The following NRCAM variants were observed in gnomAD, a reference collection of about 807,000 sequenced individuals.
NRCAM encodes the protein neuronal cell adhesion molecule.
Under a neutral mutation model 156.5 loss-of-function variants are expected in NRCAM, and 83 were observed. That is an observed-to-expected ratio of 0.53 (90% CI 0.44 to 0.64). The LOEUF is 0.64. NRCAM is among the 30% of genes least tolerant of loss of function. The probability of loss-of-function intolerance (pLI) is 0.00; values close to 1 mark genes in which losing one functional copy is unlikely to be tolerated. For synonymous variants in NRCAM, 538 were observed against 563.9 expected (o/e 0.95, Z 0.65); for missense variants, 1,417 against 1,597.3 (o/e 0.89, Z 1.92).
chr7:108,309,177 A>G (rs1294005957), intron 3 of NRCAM, among the ~76,000 whole-genome samples: 2 of 152,236 alleles, frequency 1.3e-5, no homozygotes, highest in Non-Finnish European at 2.9e-5. Context: ...CTGTCCAAGT[A>G]TGCTAATGTT....
rs199526051 is a variant in NRCAM at position 108,182,821 on chromosome 7, T to C, written c.2404A>G (p.Asn802Asp). 92 of 1,614,096 alleles carry C rather than the reference T, an allele frequency of 5.7e-5. No individual in the cohort carries two copies. Among genetic ancestry groups the C allele is most frequent in the African/African-American group, 5.2e-4 (39 of 74,942 alleles). The part of the protein sequence containing the change: ...DDEWTSVVVA[N>D]VSKYIVSGTP... ...CCTGAGACAATATATTTGGATACAT[T>C]TGCCACAACCACAGATGTCCATTCA... is the stretch of plus-strand genomic sequence containing the variant. Residue 802 changes from asparagine (N) to aspartate (D), a missense_variant, in exon 23 of 33, where the codon AAT becomes GAT. Transcript: ENST00000379028.
At position 108,162,176 on chromosome 7, in the gene NRCAM, C is replaced by T. The variant is rs2049491713; in HGVS notation, c.3467-1684G>A. Among the ~76,000 whole-genome samples, 3 of 152,304 alleles carry T rather than the reference C, an allele frequency of 2.0e-5. No individual in the cohort carries two copies. In the East Asian group the frequency reaches 5.8e-4, roughly 29 times the overall value. On this transcript the variant is annotated intron_variant, in intron 30 of 32. Transcript: ENST00000379028. ...AGTTGGAGCAACCTGTGTCTGACTC[C>T]AGAAAATATGCTACTAGCCATTATA... is the stretch of plus-strand genomic sequence containing the variant.
rs6466227 is a variant in NRCAM, at chr7:108,424,279, T to G, written c.-331-24686A>C. On this transcript the variant is annotated intron_variant, in intron 1 of 32. Coordinates refer to ENST00000379028, the MANE Select transcript of NRCAM (RefSeq NM_001037132.4). ...GCTAGAAACTGCCCCCTCAGTCCCA[T>G]GTAGTCTTCCTGGTGAAATAACTGA... Among the ~76,000 whole-genome samples the G allele has an allele frequency of 2.6e-5, 4 of 152,246 alleles. No individual in the cohort carries two copies. In the South Asian group the frequency reaches 8.3e-4, roughly 32 times the overall value.
chr7:108,275,175 T>A (rs1297100062), intron 3 of NRCAM, among the ~76,000 whole-genome samples: 1 of 152,236 alleles, frequency 6.6e-6, no homozygotes, highest in Non-Finnish European at 1.5e-5. Context: ...TCGATATTCA[T>A]CACAGATATT....
intron 2 of NRCAM, among the ~76,000 whole-genome samples, chr7:108,350,726 T>G (rs1190272633): frequency 6.6e-6 from 1 of 152,240 alleles, no homozygotes; most frequent in Non-Finnish European, 1.5e-5. Context: ...TAATCCACCT[T>G]AACTTATTGT....
intron 11 of NRCAM, among the ~76,000 whole-genome samples, chr7:108,223,141 G>A (rs1279796617): frequency 6.6e-6 from 1 of 152,166 alleles, no homozygotes; most frequent in East Asian, 1.9e-4. Context: ...GGACAAGACT[G>A]CAAGAGAGAT....
chr7:108,317,846 T>C (rs12705451), intron 2 of NRCAM, among the ~76,000 whole-genome samples: 80,700 of 148,652 alleles, frequency 0.54, 23,283 homozygotes, highest in East Asian at 0.82. Context: ...GAGGCAGAGG[T>C]TGCAGTGAGT....
At chr7:108,378,729 A>G (rs1006810345) in intron 2 of NRCAM, among the ~76,000 whole-genome samples, 2 of 151,622 alleles carry the variant, frequency 1.3e-5, no homozygotes, top group African/African-American at 4.8e-5. Context: ...TCAGAAATCC[A>G]AAGGCAACGA....
chr7:108,420,655 T>C (rs1808355174), intron 1 of NRCAM, among the ~76,000 whole-genome samples: 1 of 152,220 alleles, frequency 6.6e-6, no homozygotes, highest in Non-Finnish European at 1.5e-5. Flanking sequence ...ACATTGTGAC[T>C]TGGCATTTTT....
intron 20 of NRCAM, among the ~76,000 whole-genome samples, chr7:108,185,280 G>A (rs1360024765): frequency 6.6e-6 from 1 of 152,110 alleles, no homozygotes; most frequent in Non-Finnish European, 1.5e-5. Flanking sequence ...TTGAATAAAT[G>A]GGCTCACACA....
chr7:108,239,197 C>A (rs1288187527), intron 4 of NRCAM, among the ~76,000 whole-genome samples: 2 of 152,172 alleles, frequency 1.3e-5, no homozygotes, highest in South Asian at 4.1e-4. Flanking sequence ...CACAAACAGG[C>A]CACCCAGAGC....
At chr7:108,416,291 A>G (rs1801483396) in intron 1 of NRCAM, among the ~76,000 whole-genome samples, 1 of 152,258 alleles carries the variant, frequency 6.6e-6, no homozygotes, top group Admixed American at 6.5e-5. Context: ...TTATAGTATC[A>G]TAGTGTCTAT....
Position 108,240,491 on chromosome 7 carries a change from A to T in NRCAM, c.-106-321T>A, listed in dbSNP as rs1193450335. ...ACAGATCAGGAAAACTTGGCTTTTA[A>T]GCTGGTCAGCAAGCAATCACTTTGT... On this transcript the variant is annotated intron_variant, in intron 3 of 32. Coordinates refer to ENST00000379028, the MANE Select transcript of NRCAM (RefSeq NM_001037132.4). Among the ~76,000 whole-genome samples the T allele has an allele frequency of 2.6e-5, 4 of 152,210 alleles. No individual in the cohort carries two copies. The South Asian group carries it at 6.2e-4, about 24-fold the overall frequency.
At chr7:108,419,910 G>A (rs1471987618) in intron 1 of NRCAM, among the ~76,000 whole-genome samples, 2 of 152,104 alleles carry the variant, frequency 1.3e-5, no homozygotes, top group Non-Finnish European at 2.9e-5. Flanking sequence ...ATGTAAAAAG[G>A]AGAAACTGAG....
At chr7:108,318,610 A>T (rs1194809392) in intron 2 of NRCAM, among the ~76,000 whole-genome samples, 1 of 152,174 alleles carries the variant, frequency 6.6e-6, no homozygotes, top group East Asian at 1.9e-4. Flanking sequence ...AGCAGCTCAG[A>T]GTCTCAGGAA....
intron 1 of NRCAM, among the ~76,000 whole-genome samples, chr7:108,451,626 A>G (rs1412291779): frequency 6.6e-6 from 1 of 152,250 alleles, no homozygotes; most frequent in Non-Finnish European, 1.5e-5. Flanking sequence ...CAGCATTACA[A>G]AGGAAGGAAA....
chr7:108,455,033 G>C (rs986893130), intron 1 of NRCAM, among the ~76,000 whole-genome samples: 1 of 152,094 alleles, frequency 6.6e-6, no homozygotes. Flanking sequence ...GCCAGCGTAC[G>C]GGGGACGAAG....
chr7:108,386,946 T>C (rs2099742588), intron 2 of NRCAM, among the ~76,000 whole-genome samples: 1 of 152,116 alleles, frequency 6.6e-6, no homozygotes, highest in Non-Finnish European at 1.5e-5. Flanking sequence ...GAAGTTTATA[T>C]TTTACAAGCC....
chr7:108,222,822 C>T (rs1408280068), intron 11 of NRCAM, among the ~76,000 whole-genome samples: 1 of 152,114 alleles, frequency 6.6e-6, no homozygotes, highest in African/African-American at 2.4e-5. Flanking sequence ...CAGATGCGCC[C>T]ATACCAATGG....
Sources: gnomAD v4.1 joint callset for allele counts (sites outside exome capture counted in the v4.1 genomes callset) on GRCh38, gnomAD v4.1.1 for gene constraint, MANE v1.5 for transcripts, NCBI Gene and HGNC (gene_info 2026-07-23, HGNC 2026-07-21) for gene names.